PCDH7: variants seen among roughly 807,000 people sequenced by gnomAD.
PCDH7 encodes the protein protocadherin-7.
A neutral mutation model predicts 58.9 loss-of-function variants in PCDH7; 17 were observed. The observed-to-expected ratio is 0.29, with a 90% CI of 0.20 to 0.43. PCDH7 has a LOEUF of 0.43. PCDH7 is among the 20% of genes least tolerant of loss of function. PCDH7 has a pLI of 1.00. For missense variants in PCDH7, 1,274 were observed against 1,441.0 expected (o/e 0.88, Z 1.88); for synonymous variants, 664 against 616.4 (o/e 1.08, Z -1.14).
At chr4:30,909,638 C>G (rs918321301) in intron 1 of PCDH7, among the ~76,000 whole-genome samples, 1 of 152,098 alleles carries the variant, frequency 6.6e-6, no homozygotes, top group Admixed American at 6.6e-5. Flanking sequence ...AGGACCTCTT[C>G]AAGGAGAACT....
At chr4:30,925,552 A>G (rs572996396) in intron 2 of PCDH7, among the ~76,000 whole-genome samples, 1 of 152,302 alleles carries the variant, frequency 6.6e-6, no homozygotes, top group East Asian at 1.9e-4. Context: ...AGAGACTAAC[A>G]TGACTTGCTA....
intron 3 of PCDH7, among the ~76,000 whole-genome samples, chr4:31,095,801 C>T (rs953129017): frequency 6.6e-6 from 1 of 152,076 alleles, no homozygotes; most frequent in Non-Finnish European, 1.5e-5. Flanking sequence ...AATTTATGGG[C>T]TTTCTCTCTA....
intron 1 of PCDH7, among the ~76,000 whole-genome samples, chr4:30,738,097 A>G (rs1022811051): frequency 2.0e-5 from 3 of 152,106 alleles, no homozygotes; most frequent in Non-Finnish European, 4.4e-5. Context: ...TTATAAGAAC[A>G]CTGGTCCTAT....
At chr4:30,724,754 G>A (rs1437363287) in intron 1 of PCDH7, 158 bp downstream of exon 1, 21 of 1,446,694 alleles carry the variant, frequency 1.5e-5, no homozygotes, top group Non-Finnish European at 1.9e-5. Context: ...TTTAGCAAAG[G>A]CCATCTACAA....
At chr4:31,141,820 G>C (rs1282381533) in intron 3 of PCDH7, among the ~76,000 whole-genome samples, 1 of 152,118 alleles carries the variant, frequency 6.6e-6, no homozygotes, top group Non-Finnish European at 1.5e-5. Context: ...CATGGTAGGA[G>C]GGGGGTGAGG....
exon 2 of PCDH7, chr4:30,731,597 G>A (rs1715514251): frequency 6.6e-6 from 1 of 151,986 alleles, no homozygotes; most frequent in South Asian, 2.1e-4. Context: ...GTCACATTCG[G>A]AAGGAATATG....
At chr4:30,951,401 C>G (rs1247543292) in intron 3 of PCDH7, among the ~76,000 whole-genome samples, 1 of 152,086 alleles carries the variant, frequency 6.6e-6, no homozygotes, top group Non-Finnish European at 1.5e-5. Context: ...TTAGATAAAG[C>G]TCTGATCATT....
chr4:30,729,318 A>G (rs969514541), intron 1 of PCDH7, among the ~76,000 whole-genome samples: 1 of 152,032 alleles, frequency 6.6e-6, no homozygotes, highest in African/African-American at 2.4e-5. Context: ...TTATGACTAT[A>G]TATTTGGCTA....
At chr4:30,879,663 T>C (rs1021912865) in intron 1 of PCDH7, among the ~76,000 whole-genome samples, 2 of 152,286 alleles carry the variant, frequency 1.3e-5, no homozygotes, top group East Asian at 1.9e-4. Context: ...ATCGCCATGA[T>C]GATATGCAAT....
intron 1 of PCDH7, among the ~76,000 whole-genome samples, chr4:30,842,894 A>G (rs1731396429): frequency 6.6e-6 from 1 of 152,090 alleles, no homozygotes. Flanking sequence ...TGCTCACAGT[A>G]GTGCTTACTA....
intron 3 of PCDH7, among the ~76,000 whole-genome samples, chr4:31,131,050 C>G (rs1334719920): frequency 2.0e-5 from 3 of 152,026 alleles, no homozygotes; most frequent in South Asian, 2.1e-4. Context: ...TTCTGCCTAC[C>G]AAGAGAGGTT....
At chr4:30,978,992 T>C (rs1253351551) in intron 3 of PCDH7, among the ~76,000 whole-genome samples, 1 of 152,008 alleles carries the variant, frequency 6.6e-6, no homozygotes, top group Non-Finnish European at 1.5e-5. Context: ...ATGTGTAATA[T>C]TTAGAACTCT....
chr4:31,021,386 C>T (rs73113481), intron 3 of PCDH7, among the ~76,000 whole-genome samples: 14,220 of 152,134 alleles, frequency 0.093, 1,741 homozygotes, highest in African/African-American at 0.28. Context: ...ATTGTCTCGA[C>T]CAACATGGGC....
chr4:30,913,611 C>A (rs1002651281), intron 1 of PCDH7, among the ~76,000 whole-genome samples: 2 of 152,092 alleles, frequency 1.3e-5, no homozygotes, highest in Admixed American at 6.6e-5. Context: ...TTTATGTTAT[C>A]AATCATAGAG....
intron 3 of PCDH7, among the ~76,000 whole-genome samples, chr4:31,122,042 G>A (rs1209139564): frequency 1.3e-5 from 2 of 152,054 alleles, no homozygotes; most frequent in Non-Finnish European, 2.9e-5. Context: ...GCAAAAGCAA[G>A]TCTGATGATG....
chr4:30,939,165 A>G (rs1273585263), intron 2 of PCDH7, among the ~76,000 whole-genome samples: 1 of 152,158 alleles, frequency 6.6e-6, no homozygotes, highest in Admixed American at 6.6e-5. Context: ...ACAGGTCTCA[A>G]CAAGAAACCC....
intron 3 of PCDH7, among the ~76,000 whole-genome samples, chr4:30,958,190 G>C (rs1262203020): frequency 6.6e-6 from 1 of 151,960 alleles, no homozygotes; most frequent in East Asian, 1.9e-4. Flanking sequence ...AAGATAGTTT[G>C]CTGGTGGAAT....
At chr4:31,104,114 A>T (rs1212827449) in intron 3 of PCDH7, among the ~76,000 whole-genome samples, 5 of 152,210 alleles carry the variant, frequency 3.3e-5, no homozygotes, top group Non-Finnish European at 5.9e-5. Flanking sequence ...CTCCTATAGC[A>T]TAATGCTACA....
chr4:30,804,269 G>T (rs773121590), intron 1 of PCDH7, among the ~76,000 whole-genome samples: 2 of 152,084 alleles, frequency 1.3e-5, no homozygotes, highest in Admixed American at 6.6e-5. Flanking sequence ...GGCCAGGCAC[G>T]GTGGCTCATG....
Sources: allele counts gnomAD v4.1 joint callset (sites outside exome capture counted in the v4.1 genomes callset), GRCh38; gene constraint gnomAD v4.1.1; transcripts MANE v1.5; gene names NCBI Gene and HGNC (gene_info 2026-07-23, HGNC 2026-07-21).